MEGF11: variants seen among roughly 807,000 people sequenced by gnomAD.
The protein encoded by MEGF11 is multiple EGF like domains 11, also known as multiple epidermal growth factor-like domains protein 11.
MEGF11 carries 126 observed loss-of-function variants against 146.6 expected under a neutral mutation model. That is an observed-to-expected ratio of 0.86 (90% confidence interval 0.74 to 1.00). The LOEUF is 1.00. Ranked by LOEUF, MEGF11 falls within the 50% of genes least tolerant of loss-of-function variation. MEGF11 has a pLI of 0.00. For missense variants in MEGF11, 1,509 were observed against 1,521.2 expected, an observed-to-expected ratio of 0.99 and a Z score of 0.13; for synonymous variants, 532 against 583.4, an observed-to-expected ratio of 0.91 and a Z score of 1.27.
intron 1 of MEGF11, among the ~76,000 whole-genome samples, chr15:66,145,838 A>G (rs2089351290): frequency 6.6e-6 from 1 of 152,076 alleles, no homozygotes; most frequent in Non-Finnish European, 1.5e-5. Flanking sequence ...CTTGCGGGGG[A>G]TCTGTTTCCT....
At chr15:66,044,850 C>CAAAAAAA (rs140901440) in intron 5 of MEGF11, among the ~76,000 whole-genome samples, 4 of 90,700 alleles carry the variant, frequency 4.4e-5, no homozygotes, top group African/African-American at 2.0e-4. Flanking sequence ...GACCTTATCT[C>CAAAAAAA]AAAAAAAAAA....
At chr15:66,216,796 A>G (rs1045751872) in intron 1 of MEGF11, among the ~76,000 whole-genome samples, 6 of 151,938 alleles carry the variant, frequency 3.9e-5, no homozygotes, top group Non-Finnish European at 7.4e-5. Flanking sequence ...GCTGCCCAGA[A>G]CCCCCTTCAG....
At chr15:66,149,103 C>T (rs1041765055) in intron 1 of MEGF11, among the ~76,000 whole-genome samples, 3 of 152,232 alleles carry the variant, frequency 2.0e-5, no homozygotes, top group African/African-American at 7.2e-5. Context: ...TTGCCCCTGG[C>T]TCCCACTCAA....
In MEGF11 at chr15:65,929,777, G is replaced by A. The variant is rs138699928; in HGVS notation, c.1515C>T (p.Asp505=). The A allele has an allele frequency of 6.2e-5, 96 of 1,558,256 alleles. No homozygotes were observed. The highest frequency in any genetic ancestry group is 1.7e-4 in the Middle Eastern group (1 of 6,002). The stretch of plus-strand genomic sequence containing the variant: ...AGCCAGGAGTGCAGGAGCAGGAGCC[G>A]TCTATGGGGCTGCAGGCTGCCCCAT... ...CANGAACSPI[D]GSCSCTPGWL... The change falls in exon 12 of 26, where the codon GAC becomes GAT. Residue 505 remains aspartate (D), a synonymous_variant. Coordinates refer to ENST00000395614, the MANE Select transcript of MEGF11 (RefSeq NM_001385028.1).
intron 1 of MEGF11, among the ~76,000 whole-genome samples, chr15:66,185,049 C>T (rs1567275922): frequency 6.6e-6 from 1 of 152,138 alleles, no homozygotes. Flanking sequence ...GGAAGGCCAC[C>T]GGGTCTGTTC....
intron 1 of MEGF11, among the ~76,000 whole-genome samples, chr15:66,163,568 C>T (rs2090012671): frequency 6.6e-6 from 1 of 152,202 alleles, no homozygotes; most frequent in Non-Finnish European, 1.5e-5. Context: ...CCTGGCTCCC[C>T]ATCCTGGGCA....
At chr15:66,112,588 A>C (rs1424444478) in intron 4 of MEGF11, among the ~76,000 whole-genome samples, 1 of 152,250 alleles carries the variant, frequency 6.6e-6, no homozygotes, top group Non-Finnish European at 1.5e-5. Context: ...GCAATTTTCC[A>C]GAATTGATGA....
chr15:66,119,149 T>C lies in MEGF11; in HGVS notation c.238A>G (p.Thr80Ala). ...CACTGGGACCTCCGCCGGTACATGG[T>C]CCGGAGGCCTCTCCGATACGCCGTC... ...YKTAYRRGLR[T>A]MYRRRSQCCP... Residue 80 changes from threonine (T) to alanine (A), a missense_variant, in exon 4 of 26, where the codon ACC becomes GCC. Thr to Ala is a moderately conservative substitution (Grantham distance 58). Coordinates refer to ENST00000395614, the MANE Select transcript of MEGF11 (RefSeq NM_001385028.1). 1.9e-6 allele frequency: 3 copies of C among 1,551,606 alleles called. No homozygotes were observed. The highest frequency in any genetic ancestry group is 2.6e-6 in the Non-Finnish European group (3 of 1,147,028).
chr15:66,099,204 C>CCTTT (rs2086679002), intron 4 of MEGF11, among the ~76,000 whole-genome samples: 1 of 105,876 alleles, frequency 9.4e-6, no homozygotes. Context: ...CCTCCTTTTT[C>CCTTT]TTTTTTTTTT....
chr15:66,064,601 G>A (rs866167414), intron 5 of MEGF11, among the ~76,000 whole-genome samples: 19 of 151,220 alleles, frequency 1.3e-4, no homozygotes, highest in African/African-American at 4.3e-4. Flanking sequence ...CACTGCAGCC[G>A]CCAACTCCCG....
At chr15:66,161,308 G>A (rs1053873191) in intron 1 of MEGF11, among the ~76,000 whole-genome samples, 6 of 152,202 alleles carry the variant, frequency 3.9e-5, no homozygotes, top group African/African-American at 7.2e-5. Flanking sequence ...GCAGCCACAC[G>A]GGTGAAGAAA....
At chr15:66,107,365 C>T (rs1034281831) in intron 4 of MEGF11, among the ~76,000 whole-genome samples, 3 of 152,216 alleles carry the variant, frequency 2.0e-5, no homozygotes, top group African/African-American at 4.8e-5. Context: ...GATTTGGGGA[C>T]CGGCATGCCC....
At chr15:66,156,324 A>G (rs1277369845) in intron 1 of MEGF11, among the ~76,000 whole-genome samples, 1 of 151,952 alleles carries the variant, frequency 6.6e-6, no homozygotes, top group African/African-American at 2.4e-5. Context: ...TACTCCATGG[A>G]ATGTTCATGA....
chr15:66,008,477 T>A (rs2082599188), intron 5 of MEGF11, among the ~76,000 whole-genome samples: 1 of 151,884 alleles, frequency 6.6e-6, no homozygotes, highest in Admixed American at 6.5e-5. Flanking sequence ...CTAACTCCCT[T>A]CTTTTAAAGA....
intron 1 of MEGF11, among the ~76,000 whole-genome samples, chr15:66,209,994 C>T (rs2140122708): frequency 6.6e-6 from 1 of 152,150 alleles, no homozygotes; most frequent in South Asian, 2.1e-4. Context: ...TAATTTTTTA[C>T]TTTTAATTTT....
At chr15:66,208,086 GAAA>G (rs758591227) in intron 1 of MEGF11, among the ~76,000 whole-genome samples, 2 of 94,418 alleles carry the variant, frequency 2.1e-5, no homozygotes, top group Non-Finnish European at 4.5e-5. Context: ...CTGTGCCTCA[GAAA>G]AAAAAAAAAA....
At chr15:65,915,702 G>A (rs1167444274) in intron 18 of MEGF11, 104 bp from the exon 19 acceptor site, 1 of 1,417,960 alleles carries the variant, frequency 7.1e-7, no homozygotes, top group African/African-American at 1.4e-5. Context: ...CTCCCACTGA[G>A]TGAAGCCTAT....
At chr15:65,945,934 C>T (rs745955700) in intron 10 of MEGF11, among the ~76,000 whole-genome samples, 4 of 152,318 alleles carry the variant, frequency 2.6e-5, no homozygotes, top group Non-Finnish European at 2.9e-5. Context: ...GGTCTTGGCC[C>T]TGGGGCTTTT....
chr15:66,071,528 G>A (rs192195458), intron 5 of MEGF11, among the ~76,000 whole-genome samples: 73 of 152,322 alleles, frequency 4.8e-4, no homozygotes, highest in South Asian at 8.3e-4. Flanking sequence ...AAAGAGAATC[G>A]CTCATTTCAA....
Sources: gnomAD v4.1 joint callset for allele counts (sites outside exome capture counted in the v4.1 genomes callset) on GRCh38, gnomAD v4.1.1 for gene constraint, MANE v1.5 for transcripts, NCBI Gene and HGNC (gene_info 2026-07-23, HGNC 2026-07-21) for gene names.